KCMF1: variants seen among roughly 807,000 people sequenced by gnomAD.
KCMF1 encodes potassium channel modulatory factor 1, also known as E3 ubiquitin-protein ligase KCMF1.
Under a neutral mutation model 41.1 loss-of-function variants are expected in KCMF1, and 3 were observed. That is an observed-to-expected ratio of 0.07 (90% CI 0.03 to 0.19). The LOEUF is 0.19. KCMF1 is among the 10% of genes least tolerant of loss of function. The pLI is 1.00. For synonymous variants in KCMF1, 142 were observed against 164.5 expected (o/e 0.86, Z 1.04); for missense variants, 286 against 488.9 (o/e 0.58, Z 3.91).
chr2:85,006,037 A>T (rs1044634077), intron 1 of KCMF1, among the ~76,000 whole-genome samples: 1 of 152,136 alleles, frequency 6.6e-6, no homozygotes, highest in Admixed American at 6.5e-5. Context: ...GCCTGGTCAC[A>T]TATCAGTTCC....
chr2:84,980,833 G>T (rs1437555886), intron 1 of KCMF1, among the ~76,000 whole-genome samples: 2 of 152,008 alleles, frequency 1.3e-5, no homozygotes, highest in Admixed American at 1.3e-4. Flanking sequence ...TAGAGATAGG[G>T]TCTCATTGTG....
At chr2:84,981,070 A>T (rs1574003856) in intron 1 of KCMF1, among the ~76,000 whole-genome samples, 3 of 152,250 alleles carry the variant, frequency 2.0e-5, no homozygotes, top group Admixed American at 2.0e-4. Context: ...GAAAAAAAAA[A>T]ACTGAGATCA....
intron 3 of KCMF1, among the ~76,000 whole-genome samples, chr2:85,041,234 A>G (rs750574803): frequency 6.6e-6 from 1 of 152,226 alleles, no homozygotes. Flanking sequence ...TCATCCTGCC[A>G]TCTTAGCAGA....
chr2:85,034,746 G>A (rs185911866), intron 2 of KCMF1, among the ~76,000 whole-genome samples: 26 of 152,072 alleles, frequency 1.7e-4, no homozygotes, highest in East Asian at 3.9e-4. Flanking sequence ...CTCAGCCTCC[G>A]GAGCAGCTGA....
intron 1 of KCMF1, among the ~76,000 whole-genome samples, chr2:85,022,187 C>T (rs1414945114): frequency 2.0e-5 from 3 of 151,906 alleles, no homozygotes; most frequent in Non-Finnish European, 4.4e-5. Context: ...AATCTACAAC[C>T]TAGGCTGGTC....
intron 1 of KCMF1, among the ~76,000 whole-genome samples, chr2:85,006,897 T>C (rs1674485119): frequency 6.6e-6 from 1 of 151,082 alleles, no homozygotes; most frequent in Admixed American, 6.6e-5. Context: ...TCATCTGAGG[T>C]CGGGAGTTTG....
At chr2:84,998,551 C>A (rs556004233) in intron 1 of KCMF1, among the ~76,000 whole-genome samples, 24 of 152,106 alleles carry the variant, frequency 1.6e-4, no homozygotes, top group African/African-American at 5.8e-4. Context: ...AATTCTCAAC[C>A]CTGTCAGAGC....
intron 3 of KCMF1, among the ~76,000 whole-genome samples, chr2:85,037,117 G>A (rs1370400120): frequency 6.6e-6 from 1 of 151,448 alleles, no homozygotes; most frequent in Non-Finnish European, 1.5e-5. Context: ...TGTTTCTTGT[G>A]AGTTGTGTTT....
chr2:85,031,993 C>T (rs923292388), intron 2 of KCMF1, among the ~76,000 whole-genome samples: 1 of 152,236 alleles, frequency 6.6e-6, no homozygotes, highest in Non-Finnish European at 1.5e-5. Flanking sequence ...CCGCCTCCAC[C>T]TCCAAAAGCG....
At chr2:84,988,794 A>G (rs926457163) in intron 1 of KCMF1, among the ~76,000 whole-genome samples, 2 of 152,214 alleles carry the variant, frequency 1.3e-5, no homozygotes, top group Non-Finnish European at 2.9e-5. Flanking sequence ...TTGAGAAGCC[A>G]TCTGACTTTT....
chr2:84,987,183 G>C (rs1370294369), intron 1 of KCMF1, among the ~76,000 whole-genome samples: 1 of 152,238 alleles, frequency 6.6e-6, no homozygotes, highest in African/African-American at 2.4e-5. Flanking sequence ...GATTTTGATT[G>C]TCATGTGAAG....
intron 3 of KCMF1, among the ~76,000 whole-genome samples, chr2:85,042,958 G>A (rs1196421805): frequency 6.6e-6 from 1 of 152,182 alleles, no homozygotes; most frequent in East Asian, 1.9e-4. Context: ...CTGGTTACAA[G>A]CTTCTGGCCT....
rs755525603 is a variant in KCMF1 at position 85,027,889 on chromosome 2, G to A, written c.17G>A (p.Gly6Asp). MSRHE[G>D]VSCDACLKGN... ...CTAAAGATATTTCTTTTTTTTATAG[G>A]TGTCAGCTGTGATGCATGTTTAAAA... The change falls in exon 2 of 7, where the codon GGT (glycine) becomes GAT (aspartate). Residue 6 changes from glycine to aspartate, a missense_variant and splice_region_variant. Around this residue, in one of 2 missense-constraint regions of KCMF1, gnomAD observed 95 missense variants for 209.6 expected, o/e 0.45. Coordinates refer to ENST00000409785, the MANE Select transcript of KCMF1 (RefSeq NM_020122.5). 1 of 1,585,882 alleles carries A rather than the reference G, an allele frequency of 6.3e-7. No homozygotes were observed. The highest frequency in any genetic ancestry group is 1.9e-5 in the Admixed American group (1 of 53,490).
At chr2:85,032,264 T>A (rs1182720508) in intron 2 of KCMF1, among the ~76,000 whole-genome samples, 1 of 151,774 alleles carries the variant, frequency 6.6e-6, no homozygotes, top group South Asian at 2.1e-4. Flanking sequence ...TTCCGCCTCC[T>A]GGCTTCAAGC....
rs181909099 is a variant in KCMF1 at position 85,053,613 on chromosome 2, G to C, written c.*204G>C. On this transcript the variant is annotated 3_prime_UTR_variant, in exon 7 of 7. Transcript: ENST00000409785. ...TACTTCTAGCAGGTAAATGTAGGTA[G>C]CAGTGCAGGGGTGATCTCTGCTTCC... The C allele has an allele frequency of 1.7e-6, 1 of 602,422 alleles. No individual in the cohort carries two copies. Among genetic ancestry groups the C allele is most frequent in the Admixed American group, 3.1e-5 (1 of 32,202 alleles). 37.3% of individuals were successfully genotyped at this position (602,422 alleles called of 1,614,324 possible). A position where few individuals can be genotyped will look rare whatever the true frequency, so the allele number is the denominator to read the frequency against.
intron 1 of KCMF1, among the ~76,000 whole-genome samples, chr2:85,013,715 T>G (rs1674702033): frequency 6.6e-6 from 1 of 151,900 alleles, no homozygotes; most frequent in Non-Finnish European, 1.5e-5. Context: ...GGAGAATCAC[T>G]TGACCGCGGG....
At chr2:85,018,795 ATTTTTTTTT>A (rs34627507) in intron 1 of KCMF1, among the ~76,000 whole-genome samples, 4 of 73,684 alleles carry the variant, frequency 5.4e-5, no homozygotes, top group Admixed American at 1.6e-4. Context: ...CAGAACTTTG[ATTTTTTTTT>A]TTTTTTTTTT....
chr2:84,984,703 C>G (rs929362789), intron 1 of KCMF1, among the ~76,000 whole-genome samples: 1 of 152,042 alleles, frequency 6.6e-6, no homozygotes, highest in Non-Finnish European at 1.5e-5. Context: ...GCCCATAATC[C>G]TAGCTACTCG....
chr2:84,992,319 G>A (rs56073933), intron 1 of KCMF1, among the ~76,000 whole-genome samples: 14,493 of 151,210 alleles, frequency 0.096, 1,086 homozygotes, highest in East Asian at 0.35. Context: ...ACAGTGGCGC[G>A]ATCTCGGCTC....
Sources: allele counts gnomAD v4.1 joint callset (sites outside exome capture counted in the v4.1 genomes callset), GRCh38; gene constraint gnomAD v4.1.1; regional missense constraint gnomAD v4.1.1; transcripts MANE v1.5; gene names NCBI Gene and HGNC (gene_info 2026-07-23, HGNC 2026-07-21).